ZMYM4: variants seen among roughly 807,000 people sequenced by gnomAD.
The protein encoded by ZMYM4 is zinc finger MYM-type containing 4.
ZMYM4 carries 31 observed loss-of-function variants against 183.2 expected under a neutral mutation model. That is an observed-to-expected ratio of 0.17 (90% CI 0.13 to 0.23). The LOEUF is 0.23. ZMYM4 is among the 10% of genes least tolerant of loss of function. ZMYM4 has a pLI of 1.00. For synonymous variants in ZMYM4, 592 were observed against 631.2 expected, an observed-to-expected ratio of 0.94 and a Z score of 0.93; for missense variants, 1,273 against 1,840.3, an observed-to-expected ratio of 0.69 and a Z score of 5.64.
At chr1:35,394,427 A>G (rs539962655) in intron 18 of ZMYM4, among the ~76,000 whole-genome samples, 2 of 151,930 alleles carry the variant, frequency 1.3e-5, no homozygotes, top group East Asian at 1.9e-4. Flanking sequence ...TCTTGCCCGT[A>G]CTCACCAGGA....
chr1:35,361,620 A>G lies in ZMYM4; in HGVS notation c.671A>G (p.Asp224Gly). ...TTAATCCTTTATATTGTGTTTTAGG[A>G]TTCCAGCTACCCATTTGCCAATAAA... ...LPQTPETNFR[D>G]SSYPFANKES... Residue 224 changes from aspartate to glycine, a missense_variant and splice_region_variant, in exon 5 of 30, where the codon GAT becomes GGT. Physicochemically the swap from Asp to Gly is moderately conservative, Grantham distance 94. Coordinates refer to ENST00000314607, the MANE Select transcript of ZMYM4 (RefSeq NM_005095.3). 3 of 1,610,918 alleles carry G rather than the reference A, an allele frequency of 1.9e-6. No homozygotes were observed. Among genetic ancestry groups the G allele is most frequent in the Non-Finnish European group, 2.5e-6 (3 of 1,179,140 alleles).
At chr1:35,277,557 A>C (rs1313926753) in intron 1 of ZMYM4, among the ~76,000 whole-genome samples, 3 of 152,126 alleles carry the variant, frequency 2.0e-5, no homozygotes. Context: ...AGGTTCTGTC[A>C]GTGGGATCCA....
rs368480234 is a variant in ZMYM4, at chr1:35,397,136, T to C, written c.3031-241T>C. Reference sequence around the variant, plus strand: ...ACAAAAACAAAATGCAAGTGTATTATAGAATTATTCTTTTAGAGGATTCAG... The same window carrying C: ...ACAAAAACAAAATGCAAGTGTATTACAGAATTATTCTTTTAGAGGATTCAG... On this transcript the variant is annotated intron_variant, in intron 19 of 29. Coordinates refer to ENST00000314607, the MANE Select transcript of ZMYM4 (RefSeq NM_005095.3). 129 of 1,103,318 alleles carry C rather than the reference T, an allele frequency of 1.2e-4. 1 individual carries two copies. In the African/African-American group the frequency reaches 1.8e-3, roughly 15 times the overall value. The allele number at this position is 1,103,318 out of a possible 1,614,324, so 68.3% of individuals were successfully genotyped here.
In ZMYM4 at chr1:35,304,878, G is replaced by C. The variant is rs531875419; in HGVS notation, c.40-20482G>C. ...TTTATTATTTTTTAGACAGAGTCTTGCTCTGTCCCCAGGCTGGAGTGCTGT... is the reference window on the plus strand; with the variant it reads ...TTTATTATTTTTTAGACAGAGTCTTCCTCTGTCCCCAGGCTGGAGTGCTGT... On this transcript the variant is annotated intron_variant, in intron 1 of 29. Coordinates refer to ENST00000314607, the MANE Select transcript of ZMYM4 (RefSeq NM_005095.3). Among the ~76,000 whole-genome samples, 4 of 151,716 alleles carry C rather than the reference G, an allele frequency of 2.6e-5. No individual in the cohort carries two copies. In the East Asian group the frequency reaches 5.8e-4, roughly 22 times the overall value.
rs541359765 is a variant in ZMYM4 at position 35,388,790 on chromosome 1, C to T, written c.2264-120C>T. 2.0e-5 allele frequency: 17 copies of T among 865,694 alleles called. No individual in the cohort carries two copies. In the African/African-American group the frequency reaches 2.9e-4, roughly 15 times the overall value. 53.6% of individuals were successfully genotyped at this position (865,694 alleles called of 1,614,324 possible). A position where few individuals can be genotyped will look rare whatever the true frequency, so the allele number is the denominator to read the frequency against. ...TGGGCTCAAGCACTCCTCCCGCCAGCCTCCCAAAGTGTTGGGATTACAGGT... is the reference window on the plus strand; with the variant it reads ...TGGGCTCAAGCACTCCTCCCGCCAGTCTCCCAAAGTGTTGGGATTACAGGT... On this transcript the variant is annotated intron_variant, in intron 13 of 29. Transcript: ENST00000314607.
rs79643082 is a variant in ZMYM4, at chr1:35,419,353, T to C, written c.4440-117T>C. ...CAAAAATAATTGCAGTTTTTGCCCT[T>C]ACTTTTAATTACTTTTAATGGCAAA... On this transcript the variant is annotated intron_variant, in intron 29 of 29. Coordinates refer to ENST00000314607, the MANE Select transcript of ZMYM4 (RefSeq NM_005095.3). The C allele has an allele frequency of 2.9e-3, 3,225 of 1,116,286 alleles. 68 individuals are homozygous for C. In the African/African-American group the frequency reaches 0.046, roughly 16 times the overall value. 69.1% of individuals were successfully genotyped at this position (1,116,286 alleles called of 1,614,324 possible).
Position 35,387,399 on chromosome 1 carries a change from G to C in ZMYM4, c.2113-55G>C. ...GTTTTGAAAGTAAGGGAGATAAGGA[G>C]TTCCATAAGACAAACCAAATGTTTA... On this transcript the variant is annotated intron_variant, in intron 12 of 29. Coordinates refer to ENST00000314607, the MANE Select transcript of ZMYM4 (RefSeq NM_005095.3). 1.9e-6 allele frequency: 3 copies of C among 1,569,792 alleles called. No individual in the cohort carries two copies. In the South Asian group the frequency reaches 3.7e-5, roughly 19 times the overall value.
At chr1:35,402,448 T>C (rs952459086) in intron 23 of ZMYM4, among the ~76,000 whole-genome samples, 1 of 152,066 alleles carries the variant, frequency 6.6e-6, no homozygotes. Context: ...AGACCCCATC[T>C]CTACTAAAAA....
intron 1 of ZMYM4, among the ~76,000 whole-genome samples, chr1:35,286,772 A>ATTTTTTTTTTTTTTTTTTTTTT (rs71062872): frequency 2.2e-5 from 1 of 46,462 alleles, no homozygotes; most frequent in Non-Finnish European, 4.4e-5. Flanking sequence ...TATTTAAATA[A>ATTTTTTTTTTTTTTTTTTTTTT]TTTTTTTTTT....
intron 23 of ZMYM4, chr1:35,400,311 C>T (rs1182770013): frequency 6.9e-6 from 1 of 145,930 alleles, no homozygotes. Flanking sequence ...AGGCCATTCT[C>T]CTGCCTCAGC....
chr1:35,302,066 T>C (rs1641303328), intron 1 of ZMYM4, among the ~76,000 whole-genome samples: 2 of 152,192 alleles, frequency 1.3e-5, no homozygotes, highest in Admixed American at 1.3e-4. Flanking sequence ...AGCCGAAAAG[T>C]TGAAATCCTG....
intron 3 of ZMYM4, among the ~76,000 whole-genome samples, chr1:35,359,684 A>G (rs779761813): frequency 3.9e-5 from 6 of 152,122 alleles, no homozygotes; most frequent in South Asian, 2.1e-4. Flanking sequence ...CCTGGTTGCA[A>G]TGTTTTGATG....
chr1:35,379,057 A>G (rs1324404840), intron 7 of ZMYM4, among the ~76,000 whole-genome samples: 1 of 152,148 alleles, frequency 6.6e-6, no homozygotes, highest in Non-Finnish European at 1.5e-5. Flanking sequence ...TATCTAGACC[A>G]CTATAACTTC....
intron 2 of ZMYM4, among the ~76,000 whole-genome samples, chr1:35,338,985 C>T (rs1643088829): frequency 6.6e-6 from 1 of 151,982 alleles, no homozygotes; most frequent in Non-Finnish European, 1.5e-5. Flanking sequence ...CAGTCTTTTC[C>T]TTTATGGTTT....
rs149578287 is a variant in ZMYM4, at chr1:35,296,410, C to T, written c.39+27325C>T. Reference sequence around the variant, plus strand: ...TTCAATTCAGAATCTGTATTACATGCACCTCGTATCAGTAAATTCTAACCA... The same window carrying T: ...TTCAATTCAGAATCTGTATTACATGTACCTCGTATCAGTAAATTCTAACCA... On this transcript the variant is annotated intron_variant, in intron 1 of 29. Coordinates refer to ENST00000314607, the MANE Select transcript of ZMYM4 (RefSeq NM_005095.3). Among the ~76,000 whole-genome samples the T allele has an allele frequency of 1.2e-4, 18 of 152,350 alleles. No homozygotes were observed. In the East Asian group the frequency reaches 3.5e-3, roughly 29 times the overall value.
chr1:35,372,745 T>A (rs1644242297), intron 7 of ZMYM4, among the ~76,000 whole-genome samples: 1 of 152,228 alleles, frequency 6.6e-6, no homozygotes, highest in African/African-American at 2.4e-5. Flanking sequence ...AATCTGAAAA[T>A]CTGAAATTTA....
In ZMYM4 at chr1:35,325,415, A is replaced by T; in HGVS notation, c.85+10A>T. 6.3e-7 allele frequency: 1 copy of T among 1,599,404 alleles called. No homozygotes were observed. Among genetic ancestry groups the T allele is most frequent in the Non-Finnish European group, 8.5e-7 (1 of 1,173,014 alleles). On this transcript the variant is annotated intron_variant, in intron 2 of 29. Coordinates refer to ENST00000314607, the MANE Select transcript of ZMYM4 (RefSeq NM_005095.3). ...GAAATTGTAGAGAACTGTAAGTACCATTTGAGAAAAAACAATCATGTCTTT... is the reference window on the plus strand; with the variant it reads ...GAAATTGTAGAGAACTGTAAGTACCTTTTGAGAAAAAACAATCATGTCTTT...
intron 9 of ZMYM4, among the ~76,000 whole-genome samples, chr1:35,384,720 ATATAG>A (rs1221054696): frequency 6.6e-6 from 1 of 152,108 alleles, no homozygotes; most frequent in Admixed American, 6.6e-5. Flanking sequence ...TTATAGGATG[ATATAG>A]TATAAAAGCA....
intron 29 of ZMYM4, 45 bp from the exon 30 acceptor site, chr1:35,419,424 AT>A (rs762635957): frequency 4.4e-6 from 7 of 1,592,244 alleles, no homozygotes; most frequent in Admixed American, 1.7e-5. Flanking sequence ...ATACTCTCTG[AT>A]TTCTAATTTT....
Sources: allele counts gnomAD v4.1 joint callset (sites outside exome capture counted in the v4.1 genomes callset), GRCh38; gene constraint gnomAD v4.1.1; transcripts MANE v1.5; gene names NCBI Gene and HGNC (gene_info 2026-07-23, HGNC 2026-07-21).